HOOK2: variants seen among roughly 807,000 people sequenced by gnomAD.
The protein encoded by HOOK2 is hook microtubule tethering protein 2.
In HOOK2, 108 loss-of-function variants were observed where a neutral mutation model predicts 111.9. The observed-to-expected ratio is 0.96, with a 90% CI of 0.83 to 1.13. HOOK2 has a LOEUF of 1.13. HOOK2 is among the 50% of genes most tolerant of loss of function. The pLI, the probability that HOOK2 is intolerant of heterozygous loss-of-function variation, is 0.00. For missense variants in HOOK2, 978 were observed against 951.3 expected, an observed-to-expected ratio of 1.03 and a Z score of -0.37; for synonymous variants, 405 against 394.3, an observed-to-expected ratio of 1.03 and a Z score of -0.32.
At chr19:12,778,371 T>C (rs1162403437), upstream of HOOK2, 2 of 152,198 alleles carry the variant, frequency 1.3e-5, no homozygotes, top group Non-Finnish European at 2.9e-5. Flanking sequence ...CTCGTCCATA[T>C]CCCCACAACC....
In HOOK2 at chr19:12,786,618, T is replaced by A. The variant is rs1034065815; in HGVS notation, n.42-12393A>T. On this transcript the variant is annotated intron_variant and non_coding_transcript_variant, in intron 3 of 3. Transcript: ENST00000589765. This position sits in a 1 kb window ranked among gnomAD's most constrained non-coding sequence, Gnocchi z 4.3. ...GGGGGAGGGGGCTGTTCTCCCACCC[T>A]CCTCGTGGGGCCGGCCTGGCGCCAG... 2.0e-5 allele frequency among the ~76,000 whole-genome samples: 3 copies of A among 152,130 alleles called. No individual in the cohort carries two copies. The highest frequency in any genetic ancestry group is 4.4e-5 in the Non-Finnish European group (3 of 68,000).
Position 12,785,660 on chromosome 19 carries a change from G to A in HOOK2, n.42-11435C>T, listed in dbSNP as rs116378529. Among the ~76,000 whole-genome samples the A allele has an allele frequency of 5.9e-3, 905 of 152,298 alleles. 7 individuals are homozygous for A. Among genetic ancestry groups the A allele is most frequent in the African/African-American group, 0.021 (875 of 41,544 alleles). ...CATCCAGGGCTGGGCACAGAAGCGGGCAGAGGGCTACTCCTGTCTCTCAGG... is the reference window on the plus strand; with the variant it reads ...CATCCAGGGCTGGGCACAGAAGCGGACAGAGGGCTACTCCTGTCTCTCAGG... On this transcript the variant is annotated intron_variant and non_coding_transcript_variant, in intron 3 of 3. Transcript: ENST00000589765.
At chr19:12,783,925 G>A (rs1378035890) in intron 3 of HOOK2, among the ~76,000 whole-genome samples, 2 of 152,106 alleles carry the variant, frequency 1.3e-5, no homozygotes, top group Non-Finnish European at 2.9e-5. Flanking sequence ...CCCAGGAAGT[G>A]AGAGGCGGGG....
chr19:12,773,637 C>T (rs1450964439), intron 3 of HOOK2, among the ~76,000 whole-genome samples: 2 of 152,162 alleles, frequency 1.3e-5, no homozygotes, highest in Non-Finnish European at 2.9e-5. Context: ...TCCATCTTTA[C>T]CTCTCACCTG....
Position 12,763,149 on chromosome 19 carries a change from T to C in HOOK2, c.*133A>G. 1 of 434,970 alleles carries C rather than the reference T, an allele frequency of 2.3e-6. No individual in the cohort carries two copies. The highest frequency in any genetic ancestry group is 1.9e-5 in the South Asian group (1 of 51,822). 26.9% of individuals were successfully genotyped at this position (434,970 alleles called of 1,614,324 possible). A position where few individuals can be genotyped will look rare whatever the true frequency, so the allele number is the denominator to read the frequency against. ...ACCTCCCGCCCTCCCTCCCCACCAA[T>C]CTGGGAGAGGGAAGAGCAGAGATCA... On this transcript the variant is annotated 3_prime_UTR_variant, in exon 23 of 23. Transcript: ENST00000397668.
chr19:12,770,842 T>G, intron 10 of HOOK2, 90 bp downstream of exon 10: 1 of 1,478,820 alleles, frequency 6.8e-7, no homozygotes, highest in South Asian at 1.3e-5. Context: ...CACATGAAAA[T>G]TACAGAGCTG....
chr19:12,765,813 G>T lies in HOOK2; in HGVS notation c.1605+16C>A, dbSNP rs1259868553. On this transcript the variant is annotated intron_variant, in intron 17 of 22. Coordinates refer to ENST00000397668, the MANE Select transcript of HOOK2 (RefSeq NM_013312.3). ...GGTGAGGGTAGGGGGTGCCATCCTG[G>T]GCCCATGGTACTTACAATGGCCTGT... 2 of 1,613,414 alleles carry T rather than the reference G, an allele frequency of 1.2e-6. No homozygotes were observed. The highest frequency in any genetic ancestry group is 1.7e-4 in the Middle Eastern group (1 of 6,060).
chr19:12,788,321 G>A (rs1235809671), intron 3 of HOOK2, among the ~76,000 whole-genome samples: 1 of 152,126 alleles, frequency 6.6e-6, no homozygotes, highest in East Asian at 1.9e-4. Context: ...CTGGATTGTT[G>A]GAAGCAGTCG....
At chr19:12,771,110 C>T (rs1258805410) in intron 9 of HOOK2, 38 bp from the exon 10 acceptor site, 1 of 1,611,156 alleles carries the variant, frequency 6.2e-7, no homozygotes, top group African/African-American at 1.3e-5. Flanking sequence ...AGGGGGCTGC[C>T]CTCCCCCGGT....
chr19:12,772,733 G>C, intron 5 of HOOK2, 47 bp downstream of exon 5: 1 of 1,613,682 alleles, frequency 6.2e-7, no homozygotes. Context: ...GGGGAGGAAG[G>C]AGGATTTCCT....
chr19:12,763,147 AATCT>A lies in HOOK2; in HGVS notation c.*131_*134del. The A allele has an allele frequency of 2.1e-6, 1 of 467,088 alleles. No individual in the cohort carries two copies. The highest frequency in any genetic ancestry group is 4.0e-6 in the Non-Finnish European group (1 of 253,022). 28.9% of individuals were successfully genotyped at this position (467,088 alleles called of 1,614,324 possible). A position where few individuals can be genotyped will look rare whatever the true frequency, so the allele number is the denominator to read the frequency against. On this transcript the variant is annotated 3_prime_UTR_variant, in exon 23 of 23. Coordinates refer to ENST00000397668, the MANE Select transcript of HOOK2 (RefSeq NM_013312.3). ...CTACCTCCCGCCCTCCCTCCCCACC[AATCT>A]GGGAGAGGGAAGAGCAGAGATCATG...
At chr19:12,774,584 C>G (rs1270178063) in intron 3 of HOOK2, 85 bp downstream of exon 3, 1 of 1,253,462 alleles carries the variant, frequency 8.0e-7, no homozygotes, top group African/African-American at 1.5e-5. Flanking sequence ...CTCTTCCTGC[C>G]CATCACCCAG....
In HOOK2 at chr19:12,763,678, C is replaced by T. The variant is rs374381452; in HGVS notation, c.1928G>A (p.Arg643Gln). 40 of 1,614,150 alleles carry T rather than the reference C, an allele frequency of 2.5e-5. No homozygotes were observed. In the African/African-American group the frequency reaches 3.3e-4, roughly 13 times the overall value. The change falls in exon 21 of 23, where the codon CGA becomes CAA. Residue 643 changes from arginine (R) to glutamine (Q), a missense_variant. Physicochemically the swap from Arg to Gln is conservative, Grantham distance 43 (BLOSUM62 1). Coordinates refer to ENST00000397668, the MANE Select transcript of HOOK2 (RefSeq NM_013312.3). ...GACGAGGACACCCACCTCCAGGTGTCGGATGCGGACATCCCGTTCTCGGAG... is the reference window on the plus strand; with the variant it reads ...GACGAGGACACCCACCTCCAGGTGTTGGATGCGGACATCCCGTTCTCGGAG... ...TQLRERDVRI[R>Q]HLEMDFEKSR... is the part of the protein sequence containing the mutation.
intron 7 of HOOK2, chr19:12,771,898 A>G: frequency 2.5e-6 from 1 of 394,960 alleles, no homozygotes; most frequent in South Asian, 4.1e-5. Context: ...AAAAAAAAAA[A>G]AGAAAAAGAA....
Position 12,771,470 on chromosome 19 carries a change from C to T in HOOK2, c.527G>A (p.Arg176Lys), listed in dbSNP as rs996814109. The change falls in exon 8 of 23, where the codon AGG becomes AAG. Residue 176 changes from arginine (R) to lysine (K), a missense_variant. Arg to Lys is a conservative substitution (Grantham distance 26). Around this residue, in one of 5 missense-constraint regions of HOOK2, gnomAD observed 301 missense variants for 286.1 expected, o/e 1.05. Transcript: ENST00000397668. ...AGCCTCCTCACTTAGGAAATAGTAC[C>T]TGCGGGACTGCAGAGATGAGGGGGA... ...TYGNFDSQSR[R>K]YYFLSEEAEE... The T allele has an allele frequency of 1.2e-6, 2 of 1,611,554 alleles. No individual in the cohort carries two copies. The highest frequency in any genetic ancestry group is 1.1e-5 in the South Asian group (1 of 90,344).
rs371006905 is a variant in HOOK2 at position 12,771,396 on chromosome 19, C to T, written c.600+1G>A. On this transcript the variant is annotated splice_donor_variant, in intron 8 of 22. Transcript: ENST00000397668. LOFTEE classifies it high-confidence loss of function. ...TGACCCTGCCCCACCTAGGGCCCTA[C>T]CTGCCGCTCCAGATCCAGACAGCGC... The T allele has an allele frequency of 3.1e-6, 5 of 1,613,126 alleles. No individual in the cohort carries two copies. In the African/African-American group the frequency reaches 6.7e-5, roughly 22 times the overall value.
In HOOK2 at chr19:12,790,339, T is replaced by C. The variant is rs543102922; in HGVS notation, n.42-16114A>G. 1.2e-3 allele frequency among the ~76,000 whole-genome samples: 189 copies of C among 152,230 alleles called. No homozygotes were observed. The highest frequency in any genetic ancestry group is 2.3e-3 in the Non-Finnish European group (154 of 67,998). On this transcript the variant is annotated intron_variant and non_coding_transcript_variant, in intron 3 of 3. Coordinates refer to the HOOK2 transcript ENST00000589765. This position sits in a 1 kb window ranked among gnomAD's most constrained non-coding sequence, Gnocchi z 7.2. ...CCCCCGGGGCTGTTGCCACACTTCC[T>C]GCCTCTGCGCTCTTTCCCCAGCCTG...
intron 3 of HOOK2, among the ~76,000 whole-genome samples, chr19:12,787,795 G>A (rs1298241229): frequency 6.6e-6 from 1 of 152,188 alleles, no homozygotes; most frequent in South Asian, 2.1e-4. Flanking sequence ...GGTGGCCCAC[G>A]CCTGTAATCT....
upstream of HOOK2, among the ~76,000 whole-genome samples, chr19:12,777,738 CA>C (rs1471795088): frequency 1.3e-5 from 2 of 152,266 alleles, no homozygotes; most frequent in African/African-American, 4.8e-5. Flanking sequence ...CCGGGCCCAC[CA>C]GGGGGCGCGG....
Sources: allele counts gnomAD v4.1 joint callset (sites outside exome capture counted in the v4.1 genomes callset), GRCh38; gene constraint gnomAD v4.1.1; regional missense constraint gnomAD v4.1.1; non-coding constraint Gnocchi (gnomAD v3.1); transcripts MANE v1.5; gene names NCBI Gene and HGNC (gene_info 2026-07-23, HGNC 2026-07-21).